EPHA6: variants seen among roughly 807,000 people sequenced by gnomAD.
The protein encoded by EPHA6 is EPH receptor A6, also known as ephrin type-A receptor 6.
Under a neutral mutation model 112.0 loss-of-function variants are expected in EPHA6, and 50 were observed. The observed-to-expected ratio is 0.45, with a 90% confidence interval of 0.36 to 0.56. The LOEUF is 0.56. Among genes scored for constraint, EPHA6 ranks in the 20% least tolerant of loss-of-function variants. The probability of loss-of-function intolerance (pLI) is 0.00; values close to 1 mark genes in which losing one functional copy is unlikely to be tolerated. For synonymous variants in EPHA6, 529 were observed against 490.7 expected, an observed-to-expected ratio of 1.08 and a Z score of -1.03; for missense variants, 1,280 against 1,417.4, an observed-to-expected ratio of 0.90 and a Z score of 1.56.
At chr3:97,556,964 A>C (rs191245121) in intron 11 of EPHA6, among the ~76,000 whole-genome samples, 2 of 152,188 alleles carry the variant, frequency 1.3e-5, no homozygotes, top group Admixed American at 1.3e-4. Context: ...TAGTACATAC[A>C]AATATTTCTC....
chr3:97,282,911 T>C (rs1179432040), intron 5 of EPHA6, among the ~76,000 whole-genome samples: 1 of 152,140 alleles, frequency 6.6e-6, no homozygotes, highest in African/African-American at 2.4e-5. Flanking sequence ...GATAGGTTGA[T>C]AGGTACAGCA....
chr3:97,646,069 A>G, intron 14 of EPHA6: 1 of 1,378,002 alleles, frequency 7.3e-7, no homozygotes, highest in Non-Finnish European at 9.7e-7. Flanking sequence ...TTTCTAATCA[A>G]AATACGGACA....
chr3:97,673,832 T>G (rs903100377), intron 14 of EPHA6, among the ~76,000 whole-genome samples: 3 of 152,330 alleles, frequency 2.0e-5, no homozygotes, highest in South Asian at 4.1e-4. Context: ...CTGTGATGTA[T>G]CTGAATGTCT....
At position 97,104,861 on chromosome 3, in the gene EPHA6, T is replaced by C. The variant is rs2047517908; in HGVS notation, c.1114+116868T>C. ...TTCAGGGAATCAGTTGCTTCCTGCT[T>C]CAATCTTGGCAGGGTGTATGTGTCC... On this transcript the variant is annotated intron_variant, in intron 3 of 17. Coordinates refer to ENST00000389672, the MANE Select transcript of EPHA6 (RefSeq NM_001080448.3). 2.6e-5 allele frequency among the ~76,000 whole-genome samples: 4 copies of C among 152,122 alleles called. No individual in the cohort carries two copies. In the South Asian group the frequency reaches 8.3e-4, roughly 31 times the overall value.
chr3:96,826,832 T>A (rs953202570), intron 1 of EPHA6, among the ~76,000 whole-genome samples: 1 of 152,262 alleles, frequency 6.6e-6, no homozygotes, highest in South Asian at 2.1e-4. Flanking sequence ...TGAAGACTCA[T>A]GCACACATTG....
At chr3:97,330,507 G>A (rs2082732318) in intron 5 of EPHA6, among the ~76,000 whole-genome samples, 2 of 152,176 alleles carry the variant, frequency 1.3e-5, no homozygotes, top group African/African-American at 2.4e-5. Flanking sequence ...GCAGTGGTTT[G>A]TAGTTCTCTT....
At chr3:97,009,887 C>A (rs2044019731) in intron 3 of EPHA6, 1 of 429,248 alleles carries the variant, frequency 2.3e-6, no homozygotes, top group Admixed American at 2.7e-5. Context: ...CCACTCTGCT[C>A]TTCCTTCTCT....
intron 4 of EPHA6, among the ~76,000 whole-genome samples, chr3:97,229,680 T>A (rs1576728516): frequency 6.6e-6 from 1 of 152,278 alleles, no homozygotes; most frequent in Middle Eastern, 3.4e-3. Flanking sequence ...CCCAATTTTT[T>A]AAACTTAACT....
At chr3:96,971,388 G>A (rs983523815) in intron 2 of EPHA6, among the ~76,000 whole-genome samples, 8 of 152,000 alleles carry the variant, frequency 5.3e-5, no homozygotes, top group Admixed American at 3.9e-4. Flanking sequence ...AAAGTTTTAA[G>A]TTTGCCCAAA....
intron 5 of EPHA6, among the ~76,000 whole-genome samples, chr3:97,371,901 T>C (rs983673574): frequency 6.6e-6 from 1 of 152,136 alleles, no homozygotes; most frequent in African/African-American, 2.4e-5. Flanking sequence ...CTCCCAGGCT[T>C]ATTAGGATGA....
intron 6 of EPHA6, among the ~76,000 whole-genome samples, chr3:97,431,182 A>G (rs2089479494): frequency 6.6e-6 from 1 of 152,066 alleles, no homozygotes; most frequent in East Asian, 1.9e-4. Context: ...ATCTCAATTT[A>G]TATGTGTTGA....
intron 3 of EPHA6, among the ~76,000 whole-genome samples, chr3:97,193,526 G>A (rs780885048): frequency 3.3e-5 from 5 of 151,908 alleles, no homozygotes; most frequent in Non-Finnish European, 7.4e-5. Flanking sequence ...AGTTCTAATA[G>A]TGTTTTTTTG....
chr3:97,421,602 C>G (rs959189323), intron 6 of EPHA6, among the ~76,000 whole-genome samples: 7 of 152,200 alleles, frequency 4.6e-5, no homozygotes, highest in Admixed American at 3.9e-4. Flanking sequence ...TCTAGCAGAT[C>G]TCTTTGTGGA....
chr3:97,480,419 G>A (rs2091498074), intron 9 of EPHA6, among the ~76,000 whole-genome samples: 1 of 151,766 alleles, frequency 6.6e-6, no homozygotes, highest in Non-Finnish European at 1.5e-5. Flanking sequence ...TTGAGATTAG[G>A]GAGTGGTGAT....
chr3:97,482,819 T>C (rs1184534748), intron 9 of EPHA6, among the ~76,000 whole-genome samples: 1 of 152,236 alleles, frequency 6.6e-6, no homozygotes, highest in Non-Finnish European at 1.5e-5. Flanking sequence ...AAATTTCACA[T>C]TGGTCTTTTA....
At chr3:97,510,299 T>G (rs1327199147) in intron 10 of EPHA6, among the ~76,000 whole-genome samples, 1 of 152,226 alleles carries the variant, frequency 6.6e-6, no homozygotes, top group East Asian at 1.9e-4. Context: ...AGCCTTTTTG[T>G]GCTGGTTTTT....
intron 4 of EPHA6, among the ~76,000 whole-genome samples, chr3:97,242,155 T>C (rs945808073): frequency 3.3e-5 from 5 of 151,782 alleles, no homozygotes; most frequent in African/African-American, 1.2e-4. Flanking sequence ...TTCTAGGTGA[T>C]GTACCTATAG....
chr3:97,375,044 GGTTC>G (rs1382082943), intron 5 of EPHA6, among the ~76,000 whole-genome samples: 1 of 152,018 alleles, frequency 6.6e-6, no homozygotes, highest in East Asian at 1.9e-4. Flanking sequence ...AGGCAAAAAT[GGTTC>G]TTAGTGTGCT....
At chr3:97,447,862 C>T in intron 6 of EPHA6, 2 of 857,616 alleles carry the variant, frequency 2.3e-6, no homozygotes, top group African/African-American at 1.8e-5. Context: ...TCTGTGTTTC[C>T]AGTGCTTCTT....
Sources: gnomAD v4.1 joint callset for allele counts (sites outside exome capture counted in the v4.1 genomes callset) on GRCh38, gnomAD v4.1.1 for gene constraint, MANE v1.5 for transcripts, NCBI Gene and HGNC (gene_info 2026-07-23, HGNC 2026-07-21) for gene names.